The following TRIM33 variants were observed in gnomAD, a reference collection of about 807,000 sequenced individuals.
TRIM33 encodes the protein E3 ubiquitin-protein ligase TRIM33.
In TRIM33, 20 loss-of-function variants were observed where a neutral mutation model predicts 125.4. The observed-to-expected ratio is 0.16, with a 90% confidence interval of 0.11 to 0.23. The LOEUF (loss-of-function observed/expected upper bound fraction) is 0.23. TRIM33 is among the 10% of genes least tolerant of loss of function. The probability of loss-of-function intolerance (pLI) is 1.00; values close to 1 mark genes in which losing one functional copy is unlikely to be tolerated. For missense variants in TRIM33, 920 were observed against 1,411.4 expected (o/e 0.65, Z 5.58); for synonymous variants, 564 against 513.9 (o/e 1.10, Z -1.32).
intron 5 of TRIM33, among the ~76,000 whole-genome samples, chr1:114,432,944 A>G (rs1648056854): frequency 1.3e-5 from 2 of 152,240 alleles, no homozygotes; most frequent in Admixed American, 1.3e-4. Flanking sequence ...CTATAAACAC[A>G]TATTAACCTT....
intron 11 of TRIM33, among the ~76,000 whole-genome samples, chr1:114,414,964 C>T (rs1168163850): frequency 6.7e-6 from 1 of 149,920 alleles, no homozygotes; most frequent in Non-Finnish European, 1.5e-5. Flanking sequence ...CTTAATCTTA[C>T]CAACATATCC....
Position 114,397,662 on chromosome 1 carries a change from C to CTGG in TRIM33, c.3367_3369dup (p.Pro1123dup). The CTGG allele has an allele frequency of 8.0e-7, 1 of 1,243,000 alleles. No individual in the cohort carries two copies. The highest frequency in any genetic ancestry group is 1.1e-6 in the Non-Finnish European group (1 of 921,454). 77.0% of individuals were successfully genotyped at this position (1,243,000 alleles called of 1,614,324 possible). A position where few individuals can be genotyped will look rare whatever the true frequency, so the allele number is the denominator to read the frequency against. On this transcript the variant is annotated inframe_insertion, in exon 20 of 20. Transcript: ENST00000358465. The stretch of plus-strand genomic sequence containing the variant: ...TCCATGTCATTTTACTTTATATGTA[C>CTGG]TGGTCTCTCATCTGACTTTAGGCGT...
intron 1 of TRIM33, among the ~76,000 whole-genome samples, chr1:114,480,075 G>A (rs1003663453): frequency 4.6e-5 from 7 of 152,180 alleles, no homozygotes; most frequent in African/African-American, 1.4e-4. Flanking sequence ...AAATCAGATC[G>A]TTGCTGTGTC....
intron 1 of TRIM33, among the ~76,000 whole-genome samples, chr1:114,475,039 T>C (rs554581496): frequency 2.1e-4 from 32 of 152,154 alleles, no homozygotes; most frequent in Admixed American, 7.9e-4. Context: ...TGCATATGTG[T>C]ACATAACAAG....
chr1:114,487,973 T>A (rs915674492), intron 1 of TRIM33, among the ~76,000 whole-genome samples: 8 of 143,748 alleles, frequency 5.6e-5, no homozygotes, highest in Non-Finnish European at 1.2e-4. Flanking sequence ...ATTTCTTAAA[T>A]CATGTGAGAG....
Position 114,405,673 on chromosome 1 carries a change from T to C in TRIM33, c.2505A>G (p.Glu835=). Residue 835 remains glutamate, a synonymous_variant, in exon 15 of 20, where the codon GAA becomes GAG. Transcript: ENST00000358465. ...ESELDALASL[E]NHVKIEPADM... is the part of the protein sequence containing the mutation. ...CTGCAGGTTCAATTTTCACATGGTT[T>C]TCCAGGCTTGCCAATGCATCCAATT... is the stretch of plus-strand genomic sequence containing the variant. The C allele has an allele frequency of 6.2e-7, 1 of 1,614,224 alleles. No homozygotes were observed. The highest frequency in any genetic ancestry group is 2.2e-5 in the East Asian group (1 of 44,886).
intron 15 of TRIM33, chr1:114,405,130 C>A (rs1652151970): frequency 3.7e-6 from 1 of 271,206 alleles, no homozygotes; most frequent in Non-Finnish European, 6.9e-6. Context: ...GGTTTTGTAA[C>A]CTTAGCCCCC....
At chr1:114,500,209 G>A (rs1201184677) in intron 1 of TRIM33, among the ~76,000 whole-genome samples, 2 of 152,166 alleles carry the variant, frequency 1.3e-5, no homozygotes, top group Non-Finnish European at 2.9e-5. Flanking sequence ...AGAAAATGTG[G>A]AGGCATACCA....
intron 4 of TRIM33, among the ~76,000 whole-genome samples, chr1:114,456,383 T>A (rs1380749726): frequency 6.6e-6 from 1 of 152,126 alleles, no homozygotes; most frequent in Non-Finnish European, 1.5e-5. Context: ...CTGGTGCCAA[T>A]GAATTCTTTG....
In TRIM33 at chr1:114,405,396, T is replaced by C. The variant is rs1443075948; in HGVS notation, c.2768+14A>G. On this transcript the variant is annotated intron_variant, in intron 15 of 19. Transcript: ENST00000358465. ...ATGAAAATCAACACCAAAAATCAAT[T>C]ATTTCACTGGTACCTTGGAAAGCTA... The C allele has an allele frequency of 6.4e-7, 1 of 1,569,600 alleles. No homozygotes were observed. Among genetic ancestry groups the C allele is most frequent in the Non-Finnish European group, 8.6e-7 (1 of 1,157,382 alleles).
chr1:114,431,012 A>G (rs1647917922), intron 5 of TRIM33, 100 bp from the exon 6 acceptor site: 4 of 734,988 alleles, frequency 5.4e-6, no homozygotes, highest in Non-Finnish European at 6.9e-6. Flanking sequence ...TAACCGAGTA[A>G]TTAAAATGAA....
chr1:114,443,842 G>A (rs1648810850), intron 4 of TRIM33, among the ~76,000 whole-genome samples: 1 of 151,656 alleles, frequency 6.6e-6, no homozygotes, highest in South Asian at 2.1e-4. Context: ...AGACCAGCCT[G>A]GGCAACACAG....
intron 1 of TRIM33, among the ~76,000 whole-genome samples, chr1:114,485,899 A>G (rs529261576): frequency 2.6e-5 from 4 of 152,366 alleles, no homozygotes; most frequent in African/African-American, 9.6e-5. Flanking sequence ...CAATCAGTAC[A>G]TGCCCAAACC....
intron 11 of TRIM33, among the ~76,000 whole-genome samples, chr1:114,413,570 AAAAG>A (rs1237572897): frequency 0.02 from 2,698 of 132,894 alleles, 50 homozygotes; most frequent in Non-Finnish European, 0.025. Context: ...AAAAAAAAAA[AAAAG>A]AAAAGAAAAG....
Position 114,396,433 on chromosome 1 carries a change from C to T in TRIM33, c.*1215G>A, listed in dbSNP as rs1651547364. 1 of 198,254 alleles carries T rather than the reference C, an allele frequency of 5.0e-6. No individual in the cohort carries two copies. The highest frequency in any genetic ancestry group is 2.3e-5 in the African/African-American group (1 of 43,338). The allele number at this position is 198,254 out of a possible 1,614,324, so 12.3% of individuals were successfully genotyped here. ...GGTGGACAGATGAGTAATCTAACCC[C>T]ACCGGGTTTATTTCAATATTTCGAT... On this transcript the variant is annotated 3_prime_UTR_variant, in exon 20 of 20. Transcript: ENST00000358465.
chr1:114,498,386 G>T (rs1036438197), intron 1 of TRIM33, among the ~76,000 whole-genome samples: 1 of 152,116 alleles, frequency 6.6e-6, no homozygotes, highest in African/African-American at 2.4e-5. Context: ...GGTGGCTCAC[G>T]CCTGTAATCC....
At position 114,511,170 on chromosome 1, in the gene TRIM33, G is replaced by A. The variant is rs1303041059; in HGVS notation, c.-94C>T. 5 of 1,033,644 alleles carry A rather than the reference G, an allele frequency of 4.8e-6. No individual in the cohort carries two copies. The East Asian group carries it at 4.1e-4, about 86-fold the overall frequency. The allele number at this position is 1,033,644 out of a possible 1,614,324, so 64.0% of individuals were successfully genotyped here. On this transcript the variant is annotated 5_prime_UTR_variant, in exon 1 of 20. Transcript: ENST00000358465. Reference sequence around the variant, plus strand: ...CCAGCCCCAGCCGCAGCCGCAGCAAGAGCGGCAGCCGAGAGCTAGCGAGAG... The same window carrying A: ...CCAGCCCCAGCCGCAGCCGCAGCAAAAGCGGCAGCCGAGAGCTAGCGAGAG...
intron 4 of TRIM33, among the ~76,000 whole-genome samples, chr1:114,436,218 T>A (rs1226535450): frequency 6.6e-6 from 1 of 151,254 alleles, no homozygotes; most frequent in African/African-American, 2.4e-5. Context: ...CTGGACAACA[T>A]GGTGAAACCC....
intron 4 of TRIM33, among the ~76,000 whole-genome samples, chr1:114,440,923 G>C (rs1248286647): frequency 6.6e-6 from 1 of 152,220 alleles, no homozygotes; most frequent in Non-Finnish European, 1.5e-5. Flanking sequence ...CATTTTTAAA[G>C]ACATCTTTGT....
Sources: gnomAD v4.1 joint callset for allele counts (sites outside exome capture counted in the v4.1 genomes callset) on GRCh38, gnomAD v4.1.1 for gene constraint, MANE v1.5 for transcripts, NCBI Gene and HGNC (gene_info 2026-07-23, HGNC 2026-07-21) for gene names.